Variants in INVS observed in about 807,000 individuals in gnomAD.
The protein encoded by INVS is inversion of embryo turning homolog.
In INVS, 86 loss-of-function variants were observed where a neutral mutation model predicts 108.8. The ratio of observed to expected loss-of-function variants is 0.79; its 90% CI spans 0.66 to 0.95. The LOEUF (loss-of-function observed/expected upper bound fraction) is 0.95. INVS is among the 40% of genes least tolerant of loss of function. The probability of loss-of-function intolerance (pLI) is 0.00; values close to 1 mark genes in which losing one functional copy is unlikely to be tolerated. For missense variants in INVS, 1,169 were observed against 1,297.4 expected (o/e 0.90, Z 1.52); for synonymous variants, 455 against 473.5 (o/e 0.96, Z 0.51).
At chr9:100,255,824 T>C in intron 10 of INVS, among the ~76,000 whole-genome samples, 1 of 152,236 alleles carries the variant, frequency 6.6e-6, no homozygotes, top group Non-Finnish European at 1.5e-5. Flanking sequence ...GCCAGTATTT[T>C]ATTGAAAATT....
chr9:100,253,114 AC>A lies in INVS; in HGVS notation c.1445del (p.Pro482LeufsTer28). 1.2e-6 allele frequency: 2 copies of A among 1,613,216 alleles called. No homozygotes were observed. The highest frequency in any genetic ancestry group is 1.7e-6 in the Non-Finnish European group (2 of 1,179,272). ...GCAGTTCTCATGGAAAACAATGCAG[AC>A]CCTAACATTCAAGACAAAGAGGTAG... ...CMAVLMENNADPNIQDKEGRT... is the reference protein window; with the variant it reads ...CMAVLMENNAXPNIQDKEGRT... On this transcript the variant is annotated frameshift_variant, in exon 10 of 17. Coordinates refer to ENST00000262457, the MANE Select transcript of INVS (RefSeq NM_014425.5). LOFTEE classifies it high-confidence loss of function.
intron 3 of INVS, among the ~76,000 whole-genome samples, chr9:100,172,715 TAGAG>T (rs1194603949): frequency 6.6e-6 from 1 of 152,156 alleles, no homozygotes; most frequent in East Asian, 1.9e-4. Flanking sequence ...AACAAGTAGA[TAGAG>T]AGTCAGATAA....
chr9:100,253,179 T>C (rs1311967565), intron 10 of INVS, 43 bp downstream of exon 10: 2 of 1,462,388 alleles, frequency 1.4e-6, no homozygotes, highest in East Asian at 2.3e-5. Flanking sequence ...CCAAAGAATT[T>C]AGAGTATTTC....
intron 3 of INVS, among the ~76,000 whole-genome samples, chr9:100,187,525 C>CTTTTCTTTTTT (rs1830088560): frequency 9.5e-6 from 1 of 105,564 alleles, no homozygotes; most frequent in African/African-American, 4.4e-5. Context: ...TCTATGATTT[C>CTTTTCTTTTTT]TTTTTTTTTT....
intron 3 of INVS, among the ~76,000 whole-genome samples, chr9:100,186,211 G>A (rs562178746): frequency 4.8e-4 from 73 of 151,986 alleles, no homozygotes; most frequent in African/African-American, 1.6e-3. Context: ...GTGCAGTAGC[G>A]CAATCTCAGC....
At chr9:100,287,978 A>G (rs1373565402) in intron 13 of INVS, among the ~76,000 whole-genome samples, 5 of 152,190 alleles carry the variant, frequency 3.3e-5, no homozygotes, top group African/African-American at 9.7e-5. Context: ...CCAAAAAGAT[A>G]CATTATCAAC....
intron 6 of INVS, among the ~76,000 whole-genome samples, chr9:100,241,716 T>C (rs1041613739): frequency 2.6e-5 from 4 of 152,252 alleles, no homozygotes; most frequent in South Asian, 2.1e-4. Context: ...ATTTGTGTTA[T>C]GGAGAACTCC....
At chr9:100,249,089 AC>A (rs752924032) in intron 8 of INVS, among the ~76,000 whole-genome samples, 36 of 151,908 alleles carry the variant, frequency 2.4e-4, no homozygotes, top group Non-Finnish European at 4.9e-4. Context: ...GAGCATAAGA[AC>A]CCTTTTCCCC....
At chr9:100,109,411 A>C (rs1423400582) in intron 2 of INVS, among the ~76,000 whole-genome samples, 1 of 152,244 alleles carries the variant, frequency 6.6e-6, no homozygotes, top group African/African-American at 2.4e-5. Context: ...TCATAGCTTC[A>C]GATGTCTCAA....
intron 3 of INVS, among the ~76,000 whole-genome samples, chr9:100,186,872 C>T (rs1830069250): frequency 6.6e-6 from 1 of 151,674 alleles, no homozygotes; most frequent in Admixed American, 6.6e-5. Flanking sequence ...TTTATTAGGT[C>T]TCATTTATTT....
intron 2 of INVS, among the ~76,000 whole-genome samples, chr9:100,111,870 C>T (rs931923619): frequency 3.3e-5 from 5 of 152,174 alleles, no homozygotes; most frequent in African/African-American, 1.2e-4. Context: ...TAATGGTACC[C>T]TCATTATTCA....
At chr9:100,140,069 C>G (rs1255785009) in intron 3 of INVS, among the ~76,000 whole-genome samples, 1 of 152,178 alleles carries the variant, frequency 6.6e-6, no homozygotes, top group African/African-American at 2.4e-5. Context: ...ATCCATTAAA[C>G]AGTTTGTCTC....
chr9:100,136,343 A>G (rs1456981129), intron 3 of INVS, among the ~76,000 whole-genome samples: 1 of 152,202 alleles, frequency 6.6e-6, no homozygotes, highest in African/African-American at 2.4e-5. Context: ...CTTTCAATAA[A>G]TATTAATTCA....
chr9:100,283,135 C>T (rs886186156), intron 12 of INVS, among the ~76,000 whole-genome samples: 1 of 151,906 alleles, frequency 6.6e-6, no homozygotes, highest in African/African-American at 2.4e-5. Context: ...AAAGTGAGAC[C>T]CCCCCTCCCC....
intron 3 of INVS, among the ~76,000 whole-genome samples, chr9:100,178,492 C>T (rs1299013162): frequency 6.6e-6 from 1 of 152,092 alleles, no homozygotes; most frequent in Non-Finnish European, 1.5e-5. Flanking sequence ...TTGTGAAGCA[C>T]ACGCAAGTAT....
chr9:100,100,072 G>C (rs562967567), intron 1 of INVS, among the ~76,000 whole-genome samples: 1 of 152,076 alleles, frequency 6.6e-6, no homozygotes, highest in Non-Finnish European at 1.5e-5. Flanking sequence ...CTCTAGTTTT[G>C]TACGGTTATA....
intron 12 of INVS, among the ~76,000 whole-genome samples, chr9:100,276,946 C>T (rs1347969114): frequency 6.6e-6 from 1 of 152,194 alleles, no homozygotes; most frequent in African/African-American, 2.4e-5. Context: ...ACTTTCTTCA[C>T]TTCACTTACT....
At chr9:100,202,092 G>GTTTTTTTTT (rs35296886) in intron 3 of INVS, among the ~76,000 whole-genome samples, 5 of 147,866 alleles carry the variant, frequency 3.4e-5, no homozygotes, top group African/African-American at 5.0e-5. Context: ...TATTACAATA[G>GTTTTTTTTT]TTTTTTTTTT....
intron 11 of INVS, among the ~76,000 whole-genome samples, chr9:100,270,905 C>A: frequency 6.8e-6 from 1 of 146,410 alleles, no homozygotes; most frequent in African/African-American, 2.5e-5. Context: ...GCCTGGGCAA[C>A]AGAGTGAGAC....
Sources: allele counts gnomAD v4.1 joint callset (sites outside exome capture counted in the v4.1 genomes callset), GRCh38; gene constraint gnomAD v4.1.1; transcripts MANE v1.5; gene names NCBI Gene and HGNC (gene_info 2026-07-23, HGNC 2026-07-21).